Variants in DNMT3B observed in about 807,000 individuals in gnomAD.
DNMT3B encodes the protein DNA methyltransferase 3 beta.
A neutral mutation model predicts 120.2 loss-of-function variants in DNMT3B; 37 were observed. The ratio of observed to expected loss-of-function variants is 0.31; its 90% CI spans 0.24 to 0.40. DNMT3B has a LOEUF of 0.40. Ranked by LOEUF, DNMT3B falls within the 10% of genes least tolerant of loss-of-function variation. DNMT3B has a pLI of 1.00. For synonymous variants in DNMT3B, 412 were observed against 442.8 expected, an observed-to-expected ratio of 0.93 and a Z score of 0.87; for missense variants, 878 against 1,137.3, an observed-to-expected ratio of 0.77 and a Z score of 3.28.
chr20:32,802,586 G>A, intron 20 of DNMT3B, 116 bp downstream of exon 20: 1 of 1,075,744 alleles, frequency 9.3e-7, no homozygotes. Flanking sequence ...GTTATACTTG[G>A]ATTTCAGACC....
chr20:32,781,529 G>A (rs1389373544), intron 3 of DNMT3B, 115 bp downstream of exon 3: 15 of 1,079,116 alleles, frequency 1.4e-5, no homozygotes, highest in South Asian at 3.9e-5. Context: ...GAGGGTTGCC[G>A]AGCTAGATGC....
chr20:32,780,168 C>T, intron 1 of DNMT3B, 150 bp from the exon 2 acceptor site: 2 of 1,613,340 alleles, frequency 1.2e-6, no homozygotes, highest in South Asian at 1.1e-5. Flanking sequence ...CTATGGGGGG[C>T]AGCCTGGGTG....
chr20:32,805,670 T>G (rs1167833124), intron 21 of DNMT3B, among the ~76,000 whole-genome samples: 1 of 152,210 alleles, frequency 6.6e-6, no homozygotes, highest in Admixed American at 6.5e-5. Context: ...GAGTTTCAGC[T>G]GGCCCTCTCA....
Position 32,787,347 on chromosome 20 carries a change from A to G in DNMT3B, c.550A>G (p.Ser184Gly). 2 of 1,614,234 alleles carry G rather than the reference A, an allele frequency of 1.2e-6. No homozygotes were observed. The highest frequency in any genetic ancestry group is 8.5e-7 in the Non-Finnish European group (1 of 1,180,034). ...GGACACACATGGGACGCCCCAGAGC[A>G]GCAGTACCCCCTACGCCCGCCTAGC... ...TEDTHGTPQS[S>G]STPYARLAQD... The change falls in exon 6 of 23, where the codon AGC (serine) becomes GGC (glycine). Residue 184 changes from serine (S) to glycine (G), a missense_variant. Transcript: ENST00000328111.
intron 1 of DNMT3B, among the ~76,000 whole-genome samples, chr20:32,771,925 C>T (rs369864504): frequency 6.6e-6 from 1 of 152,064 alleles, no homozygotes; most frequent in Non-Finnish European, 1.5e-5. Context: ...AGGTAGTTAC[C>T]CCCCAAACCT....
Position 32,795,675 on chromosome 20 carries a change from C to T in DNMT3B, c.1278C>T (p.Asn426=). The T allele has an allele frequency of 1.2e-6, 2 of 1,614,148 alleles. No homozygotes were observed. The highest frequency in any genetic ancestry group is 1.7e-6 in the Non-Finnish European group (2 of 1,180,036). ...SREQMASDVA[N]NKSSLEDGCL... The stretch of plus-strand genomic sequence containing the variant: ...AACAAATGGCTTCAGATGTTGCCAA[C>T]AACAAGAGCAGCCTGGAAGGTAACG... The change falls in exon 12 of 23, where the codon AAC becomes AAT. Residue 426 remains asparagine, a synonymous_variant. Transcript: ENST00000328111.
intron 15 of DNMT3B, among the ~76,000 whole-genome samples, chr20:32,798,976 A>C (rs1980992500): frequency 6.6e-6 from 1 of 152,228 alleles, no homozygotes; most frequent in Admixed American, 6.5e-5. Context: ...GCCCTAGGTC[A>C]TTCCTGTCTG....
intron 3 of DNMT3B, among the ~76,000 whole-genome samples, chr20:32,784,066 G>A (rs148430740): frequency 6.6e-6 from 1 of 152,256 alleles, no homozygotes; most frequent in Non-Finnish European, 1.5e-5. Context: ...ACAGGCACAT[G>A]CCACCATGCC....
chr20:32,778,499 G>A (rs779035192), intron 1 of DNMT3B, among the ~76,000 whole-genome samples: 2 of 152,246 alleles, frequency 1.3e-5, no homozygotes, highest in Non-Finnish European at 2.9e-5. Context: ...TGGCTCCTGG[G>A]CCACACAGGG....
Position 32,807,871 on chromosome 20 carries a change from G to A in DNMT3B, c.2530G>A (p.Ala844Thr), listed in dbSNP as rs1267164985. ...WSVPVIRHLF[A>T]PLKDYFACE is the part of the protein sequence containing the mutation. ...CGTGCCTGTCATCCGACACCTCTTC[G>A]CCCCTCTGAAGGACTACTTTGCATG... The change falls in exon 23 of 23, where the codon GCC (alanine) becomes ACC (threonine). Residue 844 changes from alanine to threonine, a missense_variant. Physicochemically the swap from Ala to Thr is moderately conservative, Grantham distance 58. Transcript: ENST00000328111. The A allele has an allele frequency of 4.3e-6, 7 of 1,614,190 alleles. No homozygotes were observed. The highest frequency in any genetic ancestry group is 5.9e-6 in the Non-Finnish European group (7 of 1,180,038).
At chr20:32,797,913 G>A (rs964070206) in intron 14 of DNMT3B, among the ~76,000 whole-genome samples, 3 of 152,130 alleles carry the variant, frequency 2.0e-5, no homozygotes, top group Admixed American at 1.3e-4. Context: ...ACCTGCCCCA[G>A]CCTCTCAAAT....
chr20:32,799,420 T>G, intron 16 of DNMT3B, 92 bp downstream of exon 16: 1 of 1,436,852 alleles, frequency 7.0e-7, no homozygotes, highest in Non-Finnish European at 9.6e-7. Flanking sequence ...CTGACATCAG[T>G]GGCAAGAAAG....
intron 5 of DNMT3B, 129 bp downstream of exon 5, chr20:32,786,756 G>C: frequency 6.7e-7 from 1 of 1,496,184 alleles, no homozygotes; most frequent in South Asian, 1.2e-5. Flanking sequence ...TCAGGTTCTT[G>C]CTTTTTCTTT....
chr20:32,789,837 A>C (rs1028704741), intron 7 of DNMT3B, among the ~76,000 whole-genome samples: 2 of 152,042 alleles, frequency 1.3e-5, no homozygotes, highest in Admixed American at 6.5e-5. Flanking sequence ...CAGATGATCC[A>C]CCCGCCTCGG....
chr20:32,798,844 G>A (rs181389020), intron 15 of DNMT3B, among the ~76,000 whole-genome samples: 5 of 152,330 alleles, frequency 3.3e-5, no homozygotes, highest in Admixed American at 1.3e-4. Context: ...CCTCCTTGCC[G>A]GCTTCTCAGC....
intron 10 of DNMT3B, among the ~76,000 whole-genome samples, chr20:32,793,862 T>C (rs1236801749): frequency 1.3e-5 from 2 of 152,218 alleles, no homozygotes; most frequent in Admixed American, 1.3e-4. Context: ...TCTGATGTCA[T>C]TTTGTCACTA....
At chr20:32,779,049 G>A (rs1988229179) in intron 1 of DNMT3B, among the ~76,000 whole-genome samples, 1 of 152,198 alleles carries the variant, frequency 6.6e-6, no homozygotes, top group South Asian at 2.1e-4. Context: ...CCACGATGGA[G>A]CCCGAGGCAG....
intron 13 of DNMT3B, 93 bp from the exon 14 acceptor site, chr20:32,797,094 C>A: frequency 6.2e-7 from 1 of 1,605,290 alleles, no homozygotes; most frequent in Non-Finnish European, 8.5e-7. Flanking sequence ...GCAGTGTGTT[C>A]TGCAGCTGTA....
At chr20:32,776,240 A>C (rs1010029485) in intron 1 of DNMT3B, among the ~76,000 whole-genome samples, 3 of 152,062 alleles carry the variant, frequency 2.0e-5, no homozygotes, top group African/African-American at 7.2e-5. Flanking sequence ...AAGAAAAAAA[A>C]AAAAAAATCC....
Sources: allele counts gnomAD v4.1 joint callset (sites outside exome capture counted in the v4.1 genomes callset), GRCh38; gene constraint gnomAD v4.1.1; transcripts MANE v1.5; gene names NCBI Gene and HGNC (gene_info 2026-07-23, HGNC 2026-07-21).